TTC28: variants seen among roughly 807,000 people sequenced by gnomAD.
TTC28 encodes the protein tetratricopeptide repeat protein 28.
TTC28 carries 61 observed loss-of-function variants against 198.0 expected under a neutral mutation model. The ratio of observed to expected loss-of-function variants is 0.31; its 90% CI spans 0.25 to 0.38. The LOEUF is 0.38. Ranked by LOEUF, TTC28 falls within the 10% of genes least tolerant of loss-of-function variation. TTC28 has a pLI of 1.00. For missense variants in TTC28, 2,678 were observed against 3,164.0 expected (o/e 0.85, Z 3.69); for synonymous variants, 1,171 against 1,297.8 (o/e 0.90, Z 2.10).
chr22:28,639,767 A>G (rs1356938961), intron 1 of TTC28, among the ~76,000 whole-genome samples: 1 of 152,200 alleles, frequency 6.6e-6, no homozygotes, highest in Non-Finnish European at 1.5e-5. Flanking sequence ...TTTCTTTTGT[A>G]AATTGCCCAG....
chr22:28,058,663 T>C (rs1226143978), intron 12 of TTC28, among the ~76,000 whole-genome samples: 1 of 152,122 alleles, frequency 6.6e-6, no homozygotes, highest in Non-Finnish European at 1.5e-5. Flanking sequence ...CCTCCTCTTC[T>C]ATTTTCAGCA....
intron 2 of TTC28, among the ~76,000 whole-genome samples, chr22:28,480,502 C>G (rs1049094505): frequency 6.6e-6 from 1 of 152,142 alleles, no homozygotes; most frequent in African/African-American, 2.4e-5. Context: ...AAAAGCCTTT[C>G]GTTCTAATTC....
intron 5 of TTC28, chr22:28,232,832 G>A (rs977555345): frequency 3.3e-5 from 5 of 152,170 alleles, no homozygotes; most frequent in African/African-American, 9.7e-5. Context: ...TGGGCACGCT[G>A]GTTCACGCCT....
At chr22:28,173,272 C>T (rs530490169) in intron 5 of TTC28, among the ~76,000 whole-genome samples, 29 of 152,208 alleles carry the variant, frequency 1.9e-4, no homozygotes, top group South Asian at 4.1e-4. Context: ...AGATCTGAAA[C>T]GTGGTTTCAG....
chr22:28,238,392 T>C (rs868800151), intron 5 of TTC28, among the ~76,000 whole-genome samples: 4 of 152,310 alleles, frequency 2.6e-5, no homozygotes, highest in Non-Finnish European at 4.4e-5. Context: ...ATTTCTGAAA[T>C]TGTATTTTTC....
At chr22:28,679,017 C>G (rs1404751249) in intron 1 of TTC28, among the ~76,000 whole-genome samples, 1 of 152,228 alleles carries the variant, frequency 6.6e-6, no homozygotes, top group Non-Finnish European at 1.5e-5. Context: ...AGAGACATCC[C>G]GTCCAGCGGG....
At chr22:28,300,432 C>T (rs1258590864) in intron 3 of TTC28, among the ~76,000 whole-genome samples, 1 of 151,956 alleles carries the variant, frequency 6.6e-6, no homozygotes, top group Non-Finnish European at 1.5e-5. Flanking sequence ...AACATTGCCA[C>T]AGAAATACGT....
chr22:28,053,885 AAAT>A (rs1453154839), intron 12 of TTC28, among the ~76,000 whole-genome samples: 2 of 152,300 alleles, frequency 1.3e-5, no homozygotes, highest in Non-Finnish European at 2.9e-5. Context: ...TTAGAGCAAA[AAAT>A]AATGACTGTT....
intron 5 of TTC28, among the ~76,000 whole-genome samples, chr22:28,171,342 A>C (rs916853868): frequency 6.6e-6 from 1 of 152,084 alleles, no homozygotes; most frequent in African/African-American, 2.4e-5. Flanking sequence ...TGAGCATGTG[A>C]TCCTGCCAGA....
chr22:28,087,191 G>T (rs933151116), intron 12 of TTC28, among the ~76,000 whole-genome samples: 14 of 151,900 alleles, frequency 9.2e-5, no homozygotes, highest in Admixed American at 6.6e-4. Context: ...TACCAAAGCC[G>T]GGCAGAGACA....
intron 5 of TTC28, among the ~76,000 whole-genome samples, chr22:28,270,662 T>G (rs2145704347): frequency 6.6e-6 from 1 of 152,228 alleles, no homozygotes; most frequent in South Asian, 2.1e-4. Flanking sequence ...ACATAAAAAC[T>G]AAAGGGCAAA....
chr22:28,520,046 A>G (rs556122292), intron 2 of TTC28, among the ~76,000 whole-genome samples: 2 of 152,320 alleles, frequency 1.3e-5, no homozygotes, highest in Admixed American at 6.5e-5. Context: ...ATAGTAGGCA[A>G]TAAGACAAAT....
chr22:28,381,179 T>C (rs989338698), intron 2 of TTC28, among the ~76,000 whole-genome samples: 2 of 150,148 alleles, frequency 1.3e-5, no homozygotes, highest in East Asian at 1.9e-4. Flanking sequence ...GGAGACCCAG[T>C]AGAAGGAATA....
At position 28,420,641 on chromosome 22, in the gene TTC28, A is replaced by T. The variant is rs865787337; in HGVS notation, c.382-113998T>A. The stretch of plus-strand genomic sequence containing the variant: ...GAGACAGAGTCTCGTTCTGTCGCCC[A>T]GGGTGGAGTGCAGTGGCACGCAATC... On this transcript the variant is annotated intron_variant, in intron 2 of 22. Coordinates refer to ENST00000397906, the MANE Select transcript of TTC28 (RefSeq NM_001145418.2). Among the ~76,000 whole-genome samples the T allele has an allele frequency of 4.0e-5, 6 of 150,688 alleles. No individual in the cohort carries two copies. The Middle Eastern group carries it at 0.011, about 269-fold the overall frequency.
At chr22:28,154,801 A>T (rs1445282310) in intron 6 of TTC28, among the ~76,000 whole-genome samples, 2 of 152,364 alleles carry the variant, frequency 1.3e-5, no homozygotes, top group African/African-American at 4.8e-5. Context: ...AAAACAAATA[A>T]AAGGTGAATA....
At chr22:28,260,313 A>G (rs2147296476) in intron 5 of TTC28, among the ~76,000 whole-genome samples, 2 of 152,316 alleles carry the variant, frequency 1.3e-5, no homozygotes, top group South Asian at 4.1e-4. Context: ...AGATACTACT[A>G]TATCCATTCT....
intron 6 of TTC28, among the ~76,000 whole-genome samples, chr22:28,158,544 T>C (rs1251851831): frequency 2.0e-5 from 3 of 152,116 alleles, no homozygotes; most frequent in Non-Finnish European, 2.9e-5. Flanking sequence ...CAAAGCAGCA[T>C]GTAATGGTAT....
intron 5 of TTC28, among the ~76,000 whole-genome samples, chr22:28,255,490 T>C (rs552398210): frequency 6.6e-6 from 1 of 152,072 alleles, no homozygotes; most frequent in Non-Finnish European, 1.5e-5. Context: ...AAGACCAGCC[T>C]GACCAACGTG....
At chr22:28,521,562 G>A (rs2048910067) in intron 2 of TTC28, among the ~76,000 whole-genome samples, 1 of 152,148 alleles carries the variant, frequency 6.6e-6, no homozygotes, top group Non-Finnish European at 1.5e-5. Flanking sequence ...CTGATTCTGG[G>A]AAAAGGTCAA....
Sources: allele counts gnomAD v4.1 joint callset (sites outside exome capture counted in the v4.1 genomes callset), GRCh38; gene constraint gnomAD v4.1.1; transcripts MANE v1.5; gene names NCBI Gene and HGNC (gene_info 2026-07-23, HGNC 2026-07-21).